The following COL17A1 variants were observed in gnomAD, a reference collection of about 807,000 sequenced individuals.
The protein encoded by COL17A1 is collagen type XVII alpha 1 chain.
A neutral mutation model predicts 218.4 loss-of-function variants in COL17A1; 181 were observed. That is an observed-to-expected ratio of 0.83 (90% CI 0.73 to 0.94). The LOEUF is 0.94. COL17A1 is among the 40% of genes least tolerant of loss of function. COL17A1 has a pLI of 0.00. For synonymous variants in COL17A1, 721 were observed against 731.0 expected (o/e 0.99, Z 0.22); for missense variants, 1,924 against 1,945.9 (o/e 0.99, Z 0.21).
chr10:104,039,215 G>A lies in COL17A1; in HGVS notation c.2897-94C>T, dbSNP rs558550696. ...CTTATTAGTGTGTGTCTCAACAATC[G>A]TCCCATGTCTCTTGGCCTCCTTTTT... On this transcript the variant is annotated intron_variant, in intron 43 of 55. Coordinates refer to ENST00000648076, the MANE Select transcript of COL17A1 (RefSeq NM_000494.4). 30 of 1,311,136 alleles carry A rather than the reference G, an allele frequency of 2.3e-5. No homozygotes were observed. The East Asian group carries it at 2.3e-4, about 10-fold the overall frequency. The allele number at this position is 1,311,136 out of a possible 1,614,324, so 81.2% of individuals were successfully genotyped here.
At chr10:104,049,533 T>G in intron 28 of COL17A1, 62 bp from the exon 29 acceptor site, 3 of 1,555,030 alleles carry the variant, frequency 1.9e-6, no homozygotes, top group Non-Finnish European at 8.9e-7. Context: ...TTAACAATGG[T>G]GGTCTGCTCC....
At chr10:104,046,649 G>A (rs1160408325) in intron 32 of COL17A1, 98 bp downstream of exon 32, 3 of 1,187,892 alleles carry the variant, frequency 2.5e-6, no homozygotes, top group Non-Finnish European at 3.8e-6. Flanking sequence ...AGTTGGTGGA[G>A]GAGAGGAAAC....
In COL17A1 at chr10:104,078,552, G is replaced by A; in HGVS notation, c.87C>T (p.Ser29=). The change falls in exon 3 of 56, where the codon TCC becomes TCT. Residue 29 remains serine (S), a synonymous_variant. Transcript: ENST00000648076. ...VTETVTTRLT[S]LPPKGGTSNG... ...GAGGTAGTTACTTACTTGGTGGTAA[G>A]GATGTAAGTCTTGTGGTTACTGTTT... 6.2e-7 allele frequency: 1 copy of A among 1,614,168 alleles called. No homozygotes were observed. Among genetic ancestry groups the A allele is most frequent in the Non-Finnish European group, 8.5e-7 (1 of 1,180,024 alleles).
chr10:104,067,870 G>A (rs546137233), intron 9 of COL17A1, among the ~76,000 whole-genome samples: 1 of 152,124 alleles, frequency 6.6e-6, no homozygotes, highest in Middle Eastern at 3.4e-3. Context: ...GAAAATAAGC[G>A]AAAGAGAAAG....
chr10:104,066,816 A>C (rs1396727315), intron 9 of COL17A1, among the ~76,000 whole-genome samples: 1 of 152,232 alleles, frequency 6.6e-6, no homozygotes, highest in African/African-American at 2.4e-5. Flanking sequence ...GAATTTCCCT[A>C]TTCCTTCTAA....
Position 104,047,802 on chromosome 10 carries a change from C to A in COL17A1, c.2272G>T (p.Gly758Cys), listed in dbSNP as rs1343723199. The change falls in exon 31 of 56, where the codon GGT (glycine) becomes TGT (cysteine). Residue 758 changes from glycine to cysteine, a missense_variant. Coordinates refer to ENST00000648076, the MANE Select transcript of COL17A1 (RefSeq NM_000494.4). ...DGHQGPRGEQ[G>C]LTGMPGIRGP... ...CGGATTCCAGGCATCCCAGTAAGAC[C>A]TTGTTCACCTAGAGAGAGAATGGCC... is the stretch of plus-strand genomic sequence containing the variant. 6.2e-7 allele frequency: 1 copy of A among 1,614,114 alleles called. No homozygotes were observed. The highest frequency in any genetic ancestry group is 1.7e-5 in the Admixed American group (1 of 60,020).
chr10:104,033,891 A>G (rs1171894347), intron 52 of COL17A1, 54 bp downstream of exon 52: 6 of 1,611,960 alleles, frequency 3.7e-6, no homozygotes, highest in South Asian at 1.1e-5. Flanking sequence ...GCCAGTCTGG[A>G]GATGCTCCCA....
chr10:104,040,097 G>T, intron 40 of COL17A1, 98 bp from the exon 41 acceptor site: 3 of 1,405,352 alleles, frequency 2.1e-6, no homozygotes, highest in Non-Finnish European at 3.0e-6. Flanking sequence ...CAATGCTAGA[G>T]CAGATATAGA....
chr10:104,039,717 A>T (rs1180517076), intron 41 of COL17A1, 77 bp from the exon 42 acceptor site: 12 of 1,602,272 alleles, frequency 7.5e-6, no homozygotes, highest in Non-Finnish European at 1.0e-5. Context: ...CCTCCCCAAG[A>T]TCCATGATTG....
In COL17A1 at chr10:104,049,443, A is replaced by G. The variant is rs753489715; in HGVS notation, c.2193T>C (p.Gly731=). 2.0e-5 allele frequency: 32 copies of G among 1,614,094 alleles called. No homozygotes were observed. Among genetic ancestry groups the G allele is most frequent in the South Asian group, 3.3e-5 (3 of 91,090 alleles). Residue 731 remains glycine (G), a synonymous_variant, in exon 29 of 56, where the codon GGT becomes GGC. Transcript: ENST00000648076. The stretch of plus-strand genomic sequence containing the variant: ...CTTTAGCCCCGGGCTCACCAACAGC[A>G]CCAGGCAAACCTCTCATGCCAGGCT... ...TGEPGMRGLP[G]AVGEPGAKGA...
intron 9 of COL17A1, among the ~76,000 whole-genome samples, chr10:104,067,082 A>G (rs2086632463): frequency 6.6e-6 from 1 of 152,228 alleles, no homozygotes; most frequent in Non-Finnish European, 1.5e-5. Context: ...TTAAAAGGGC[A>G]GCCATGACCA....
chr10:104,043,642 C>T, intron 34 of COL17A1, 61 bp from the exon 35 acceptor site: 1 of 1,589,790 alleles, frequency 6.3e-7, no homozygotes. Context: ...GGCGCTGGGA[C>T]CCAAGCCAGG....
intron 2 of COL17A1, among the ~76,000 whole-genome samples, chr10:104,079,188 C>G (rs1463243449): frequency 3.3e-5 from 5 of 152,146 alleles, no homozygotes; most frequent in Non-Finnish European, 7.4e-5. Context: ...CTTGAAGAAC[C>G]AGTCCCTTGG....
rs113883277 is a variant in COL17A1 at position 104,046,137 on chromosome 10, A to T, written c.2363-344T>A. 9.6e-3 allele frequency among the ~76,000 whole-genome samples: 1,467 copies of T among 152,252 alleles called. 16 individuals are homozygous for T. The highest frequency in any genetic ancestry group is 0.031 in the African/African-American group (1,307 of 41,544). On this transcript the variant is annotated intron_variant, in intron 32 of 55. Transcript: ENST00000648076. ...TGCAGGGGAGGGGCTCGGCTTCCTG[A>T]GTCCAATGCAGCATCACCCTCTTGC...
chr10:104,039,018 T>C, intron 44 of COL17A1, 53 bp downstream of exon 44: 1 of 1,542,952 alleles, frequency 6.5e-7, no homozygotes, highest in South Asian at 1.1e-5. Flanking sequence ...ACTGGAATGA[T>C]CAGCCTTCAC....
At chr10:104,085,323 G>A (rs2086796737) in intron 1 of COL17A1, among the ~76,000 whole-genome samples, 1 of 152,114 alleles carries the variant, frequency 6.6e-6, no homozygotes, top group South Asian at 2.1e-4. Flanking sequence ...TTCGTCCAGT[G>A]GAGAGAGAGA....
chr10:104,043,906 T>A (rs1433510161), intron 33 of COL17A1, 46 bp from the exon 34 acceptor site: 1 of 1,609,174 alleles, frequency 6.2e-7, no homozygotes, highest in Admixed American at 1.7e-5. Flanking sequence ...TGAGGATCAA[T>A]TAGTGGCTCA....
chr10:104,044,578 T>C (rs2086391211), intron 33 of COL17A1, among the ~76,000 whole-genome samples: 1 of 152,152 alleles, frequency 6.6e-6, no homozygotes. Flanking sequence ...AGGAGACTAT[T>C]GCTCTCTCCC....
Position 104,037,086 on chromosome 10 carries a change from G to A in COL17A1, c.3236C>T (p.Ser1079Leu), listed in dbSNP as rs776641507. The change falls in exon 47 of 56, where the codon TCG (serine) becomes TTG (leucine). Residue 1079 changes from serine (S) to leucine (L), a missense_variant. Physicochemically the swap from Ser to Leu is moderately radical, Grantham distance 145. Transcript: ENST00000648076. Reference protein sequence around the residue: ...RTSGYGVSLFSSSISSEDILA... With the variant: ...RTSGYGVSLFLSSISSEDILA... ...AATGTCTTCAGAAGAGATGGAGGAC[G>A]AGAACAAGCTGACACCGTACCCCGA... 1.1e-5 allele frequency: 17 copies of A among 1,607,786 alleles called. No homozygotes were observed. The highest frequency in any genetic ancestry group is 8.9e-5 in the South Asian group (8 of 89,452).
Sources: allele counts gnomAD v4.1 joint callset (sites outside exome capture counted in the v4.1 genomes callset), GRCh38; gene constraint gnomAD v4.1.1; transcripts MANE v1.5; gene names NCBI Gene and HGNC (gene_info 2026-07-23, HGNC 2026-07-21).